ZC3H12D: variants seen among roughly 807,000 people sequenced by gnomAD.
ZC3H12D encodes zinc finger CCCH-type containing 12D, also known as probable ribonuclease ZC3H12D.
Under a neutral mutation model 24.2 loss-of-function variants are expected in ZC3H12D, and 11 were observed. The ratio of observed to expected loss-of-function variants is 0.46; its 90% confidence interval spans 0.29 to 0.75. The LOEUF (loss-of-function observed/expected upper bound fraction) is 0.75. Among genes scored for constraint, ZC3H12D ranks in the 30% least tolerant of loss-of-function variants. The probability of loss-of-function intolerance (pLI) is 0.11; values close to 1 mark genes in which losing one functional copy is unlikely to be tolerated. For missense variants in ZC3H12D, 740 were observed against 767.7 expected (o/e 0.96, Z 0.43); for synonymous variants, 333 against 341.8 (o/e 0.97, Z 0.28).
intron 2 of ZC3H12D, among the ~76,000 whole-genome samples, chr6:149,462,573 T>C (rs1333809944): frequency 6.6e-6 from 1 of 152,176 alleles, no homozygotes; most frequent in African/African-American, 2.4e-5. Flanking sequence ...ATGCAAAGTA[T>C]TGTTCCTGGG....
intron 4 of ZC3H12D, among the ~76,000 whole-genome samples, chr6:149,454,782 C>T (rs1006714942): frequency 6.6e-6 from 1 of 152,238 alleles, no homozygotes; most frequent in Non-Finnish European, 1.5e-5. Context: ...ATTTCTGGAG[C>T]CCATAGTTAC....
chr6:149,455,528 G>A (rs1775965389), intron 4 of ZC3H12D, among the ~76,000 whole-genome samples: 1 of 152,200 alleles, frequency 6.6e-6, no homozygotes, highest in Admixed American at 6.5e-5. Context: ...CGGGTCTCCA[G>A]ACCCTCATCC....
At chr6:149,467,791 C>T (rs954834986) in intron 2 of ZC3H12D, among the ~76,000 whole-genome samples, 1 of 152,200 alleles carries the variant, frequency 6.6e-6, no homozygotes, top group Non-Finnish European at 1.5e-5. Flanking sequence ...ATTGATTCCC[C>T]CCAACTCCAT....
chr6:149,454,536 G>C (rs568648203), intron 4 of ZC3H12D, among the ~76,000 whole-genome samples: 1 of 152,328 alleles, frequency 6.6e-6, no homozygotes, highest in South Asian at 2.1e-4. Flanking sequence ...CGCCCACTGT[G>C]GTTATTAAAC....
intron 2 of ZC3H12D, among the ~76,000 whole-genome samples, chr6:149,471,397 G>A (rs1776241416): frequency 6.6e-6 from 1 of 152,230 alleles, no homozygotes; most frequent in African/African-American, 2.4e-5. Context: ...GTCAGAACAA[G>A]AACTGATGGC....
chr6:149,471,590 T>C (rs1324706763), intron 2 of ZC3H12D, among the ~76,000 whole-genome samples: 3 of 152,268 alleles, frequency 2.0e-5, no homozygotes, highest in East Asian at 1.9e-4. Flanking sequence ...GCTGTGACTC[T>C]TTCCCCCAGA....
chr6:149,474,384 C>A lies in ZC3H12D; in HGVS notation c.160G>T (p.Ala54Ser). The A allele has an allele frequency of 6.2e-7, 1 of 1,608,484 alleles. No homozygotes were observed. Among genetic ancestry groups the A allele is most frequent in the Non-Finnish European group, 8.5e-7 (1 of 1,175,950 alleles). Residue 54 changes from alanine (A) to serine (S), a missense_variant, in exon 2 of 6, where the codon GCT (alanine) becomes TCT (serine). Coordinates refer to ENST00000409806, the MANE Select transcript of ZC3H12D (RefSeq NM_207360.3). ...GSRPGALEHP[A>S]APRLVPRGSC... Reference sequence around the variant, plus strand: ...CCCCGAGGCACTAGCCTGGGTGCAGCCGGGTGCTCCAGGGCACCCGGGCGG... The same window carrying A: ...CCCCGAGGCACTAGCCTGGGTGCAGACGGGTGCTCCAGGGCACCCGGGCGG...
intron 3 of ZC3H12D, among the ~76,000 whole-genome samples, chr6:149,457,356 C>T (rs1300274317): frequency 6.6e-6 from 1 of 152,176 alleles, no homozygotes; most frequent in African/African-American, 2.4e-5. Context: ...CCTGCATGGG[C>T]CCCTAGCTGG....
intron 2 of ZC3H12D, among the ~76,000 whole-genome samples, chr6:149,471,838 A>C (rs1033422819): frequency 2.0e-5 from 3 of 152,252 alleles, no homozygotes; most frequent in Admixed American, 2.0e-4. Flanking sequence ...CATCCGCTCA[A>C]GGTGGAAAGA....
At position 149,456,623 on chromosome 6, in the gene ZC3H12D, G is replaced by GGGGGCCGGGCC; in HGVS notation, c.680+42_680+43insGGCCCGGCCCC. 1.3e-6 allele frequency: 1 copy of GGGGGCCGGGCC among 744,590 alleles called. No individual in the cohort carries two copies. The highest frequency in any genetic ancestry group is 3.5e-5 in the East Asian group (1 of 28,324). 46.1% of individuals were successfully genotyped at this position (744,590 alleles called of 1,614,324 possible). ...GCCACTGCCTCGACCCCGGCCCCCC[G>GGGGGCCGGGCC]CCCCGCCGCCCCCCAGGGTGTCAGG... On this transcript the variant is annotated intron_variant, in intron 4 of 5. Transcript: ENST00000409806. This position sits in a 1 kb window ranked among gnomAD's most constrained non-coding sequence, Gnocchi z 4.3.
At chr6:149,483,308 T>A (rs1016410409) in intron 1 of ZC3H12D, 4 of 152,320 alleles carry the variant, frequency 2.6e-5, no homozygotes, top group Admixed American at 6.5e-5. Context: ...TAAATTTTTT[T>A]AATTTTCTTT....
chr6:149,483,994 C>A (rs527690865), intron 1 of ZC3H12D, among the ~76,000 whole-genome samples: 2 of 152,138 alleles, frequency 1.3e-5, no homozygotes, highest in Non-Finnish European at 2.9e-5. Context: ...ATAAGTGTGC[C>A]GGCCTGGCCT....
intron 1 of ZC3H12D, among the ~76,000 whole-genome samples, chr6:149,482,792 C>G (rs1776446092): frequency 6.6e-6 from 1 of 152,180 alleles, no homozygotes; most frequent in African/African-American, 2.4e-5. Flanking sequence ...GTCCTGGGAG[C>G]CACCTCATTA....
intron 1 of ZC3H12D, among the ~76,000 whole-genome samples, chr6:149,482,303 C>T (rs895109150): frequency 3.9e-5 from 6 of 152,380 alleles, no homozygotes; most frequent in African/African-American, 1.2e-4. Flanking sequence ...AGCCTTCCCC[C>T]GGGACGTGAT....
At chr6:149,462,242 T>G (rs548664178) in intron 2 of ZC3H12D, among the ~76,000 whole-genome samples, 1 of 152,168 alleles carries the variant, frequency 6.6e-6, no homozygotes, top group African/African-American at 2.4e-5. Flanking sequence ...GGTGTAGTGG[T>G]GCACACCTGC....
chr6:149,475,706 A>G, intron 1 of ZC3H12D, among the ~76,000 whole-genome samples: 1 of 127,828 alleles, frequency 7.8e-6, no homozygotes, highest in Middle Eastern at 4.4e-3. Flanking sequence ...CAAGAGTGAA[A>G]CTCCGTCTCA....
intron 4 of ZC3H12D, among the ~76,000 whole-genome samples, chr6:149,454,726 C>T (rs879437316): frequency 5.3e-5 from 8 of 152,266 alleles, no homozygotes; most frequent in Non-Finnish European, 1.0e-4. Flanking sequence ...CCGCCCCAGG[C>T]TGTCATCAGG....
chr6:149,460,691 G>A (rs1329269229), intron 3 of ZC3H12D, among the ~76,000 whole-genome samples: 6 of 152,148 alleles, frequency 3.9e-5, no homozygotes, highest in African/African-American at 1.2e-4. Context: ...TTAGCTGGGC[G>A]TGGTGGCACG....
chr6:149,450,942 C>A lies in ZC3H12D; in HGVS notation c.1325G>T (p.Arg442Leu), dbSNP rs1239836549. The A allele has an allele frequency of 2.6e-6, 4 of 1,536,882 alleles. No individual in the cohort carries two copies. The highest frequency in any genetic ancestry group is 4.0e-5 in the Admixed American group (2 of 50,586). The change falls in exon 6 of 6, where the codon CGC becomes CTC. Residue 442 changes from arginine to leucine, a missense_variant. Coordinates refer to ENST00000409806, the MANE Select transcript of ZC3H12D (RefSeq NM_207360.3). ...GGAGCGCCCAGGGAAGCGGTCGGAG[C>A]GGGGTGGACGGGCCCACGGGTCGTC... ...PPDDPWARPP[R>L]SDRFPGRSVW...
Sources: allele counts gnomAD v4.1 joint callset (sites outside exome capture counted in the v4.1 genomes callset), GRCh38; gene constraint gnomAD v4.1.1; non-coding constraint Gnocchi (gnomAD v3.1); transcripts MANE v1.5; gene names NCBI Gene and HGNC (gene_info 2026-07-23, HGNC 2026-07-21).